SEPTIN7: variants seen among roughly 807,000 people sequenced by gnomAD.
The protein encoded by SEPTIN7 is septin-7.
In SEPTIN7, 10 loss-of-function variants were observed where a neutral mutation model predicts 63.3. The observed-to-expected ratio is 0.16, with a 90% CI of 0.10 to 0.27. The LOEUF (loss-of-function observed/expected upper bound fraction) is 0.27. SEPTIN7 is among the 10% of genes least tolerant of loss of function. SEPTIN7 has a pLI of 1.00. For missense variants in SEPTIN7, 310 were observed against 521.0 expected (o/e 0.59, Z 3.94); for synonymous variants, 131 against 165.3 (o/e 0.79, Z 1.59).
rs1289333452 is a variant in SEPTIN7 at position 35,883,895 on chromosome 7, G to A, written c.728G>A (p.Arg243His). The change falls in exon 9 of 14, where the codon CGT (arginine) becomes CAT (histidine). Residue 243 changes from arginine (R) to histidine (H), a missense_variant. By Grantham distance (29) the Arg-to-His change is conservative. Transcript: ENST00000350320. ...ENKLVKKIKD[R>H]LPLAVVGSNT... ...CAAGAATACTTTGTTTTATAGGACC[G>A]TTTACCTCTTGCTGTGGTAGGTAGT... is the stretch of plus-strand genomic sequence containing the variant. 9 of 1,589,542 alleles carry A rather than the reference G, an allele frequency of 5.7e-6. No individual in the cohort carries two copies. Among genetic ancestry groups the A allele is most frequent in the African/African-American group, 1.3e-5 (1 of 74,310 alleles).
chr7:35,884,093 G>C, intron 9 of SEPTIN7, 106 bp downstream of exon 9: 3 of 594,308 alleles, frequency 5.0e-6, no homozygotes, highest in Non-Finnish European at 9.0e-6. Context: ...ATATAGTCTA[G>C]ATTTTCAAGG....
At chr7:35,880,003 T>C in intron 7 of SEPTIN7, 63 bp downstream of exon 7, 2 of 885,182 alleles carry the variant, frequency 2.3e-6, no homozygotes, top group Admixed American at 2.0e-5. Context: ...TTTTTACTAT[T>C]TTTAGTATAA....
the SEPTIN7 span, among the ~76,000 whole-genome samples, chr7:35,914,545 G>A: frequency 4.6e-5 from 7 of 152,122 alleles, no homozygotes; most frequent in East Asian, 1.4e-3. Context: ...GATGGCTGGA[G>A]TTACCCTGCC....
At chr7:35,836,650 A>C (rs1191493381) in intron 3 of SEPTIN7, among the ~76,000 whole-genome samples, 1 of 152,090 alleles carries the variant, frequency 6.6e-6, no homozygotes, top group Non-Finnish European at 1.5e-5. Context: ...TTATCAGAGA[A>C]AGTTTAGGAG....
At chr7:35,829,204 C>T (rs1376286857) in intron 1 of SEPTIN7, among the ~76,000 whole-genome samples, 2 of 140,106 alleles carry the variant, frequency 1.4e-5, no homozygotes, top group Non-Finnish European at 3.0e-5. Flanking sequence ...GGCACGATCT[C>T]GGCTCACTGC....
At chr7:35,810,298 A>G (rs1196691287) in intron 1 of SEPTIN7, among the ~76,000 whole-genome samples, 2 of 150,728 alleles carry the variant, frequency 1.3e-5, no homozygotes, top group Non-Finnish European at 2.9e-5. Context: ...TGAGGTCTCC[A>G]GTTTCTGGGG....
chr7:35,829,095 C>CACT (rs1011373892), intron 1 of SEPTIN7, among the ~76,000 whole-genome samples: 22 of 148,810 alleles, frequency 1.5e-4, no homozygotes, highest in Non-Finnish European at 2.5e-4. Flanking sequence ...TCCCCTTGTC[C>CACT]ACTACTTCAC....
Position 35,814,974 on chromosome 7 carries a change from C to CAA in SEPTIN7, c.61+13729_61+13730dup, listed in dbSNP as rs56795764. 3.1e-3 allele frequency among the ~76,000 whole-genome samples: 68 copies of CAA among 21,956 alleles called. 3 individuals are homozygous for CAA. The highest frequency in any genetic ancestry group is 5.9e-3 in the African/African-American group (40 of 6,764). The allele number at this position is 21,956 out of a possible 152,430, so 14.4% of individuals were successfully genotyped here. A position where few individuals can be genotyped will look rare whatever the true frequency, so the allele number is the denominator to read the frequency against. On this transcript the variant is annotated intron_variant, in intron 1 of 13. Transcript: ENST00000350320. ...TAGGCGACAGAGCGAGACTCCTTCTCAAAAAAAAAAAAAAAAAAAAAAAAA... is the reference window on the plus strand; with the variant it reads ...TAGGCGACAGAGCGAGACTCCTTCTCAAAAAAAAAAAAAAAAAAAAAAAAAAA...
At chr7:35,869,813 G>A (rs1030460347) in intron 4 of SEPTIN7, among the ~76,000 whole-genome samples, 6 of 152,078 alleles carry the variant, frequency 3.9e-5, no homozygotes, top group African/African-American at 1.2e-4. Flanking sequence ...ATACATGGAC[G>A]ATAGCTTTAG....
At chr7:35,836,581 G>T (rs1784092988) in intron 3 of SEPTIN7, among the ~76,000 whole-genome samples, 1 of 151,938 alleles carries the variant, frequency 6.6e-6, no homozygotes, top group South Asian at 2.1e-4. Flanking sequence ...CTTAGAATAT[G>T]TTGGTTTGGC....
chr7:35,832,608 A>T, intron 2 of SEPTIN7, 190 bp from the exon 3 acceptor site: 1 of 506,984 alleles, frequency 2.0e-6, no homozygotes, highest in South Asian at 2.0e-5. Flanking sequence ...TTATATTGTC[A>T]GTCAACTCAT....
chr7:35,851,028 G>A (rs1234212782), intron 3 of SEPTIN7, among the ~76,000 whole-genome samples: 1 of 152,110 alleles, frequency 6.6e-6, no homozygotes, highest in Admixed American at 6.5e-5. Context: ...GAAACCTGAC[G>A]TTAGCTATTA....
At chr7:35,849,985 AT>A (rs1784883089) in intron 3 of SEPTIN7, among the ~76,000 whole-genome samples, 1 of 152,100 alleles carries the variant, frequency 6.6e-6, no homozygotes, top group Admixed American at 6.5e-5. Flanking sequence ...TGTCATCCTT[AT>A]TTACTAGAAT....
At chr7:35,889,500 A>G (rs1787503766) in intron 10 of SEPTIN7, among the ~76,000 whole-genome samples, 1 of 152,234 alleles carries the variant, frequency 6.6e-6, no homozygotes, top group South Asian at 2.1e-4. Flanking sequence ...AAGTAACAGT[A>G]AAGGTTCTCT....
intron 3 of SEPTIN7, among the ~76,000 whole-genome samples, chr7:35,833,980 A>T (rs1783956848): frequency 6.6e-6 from 1 of 152,014 alleles, no homozygotes; most frequent in African/African-American, 2.4e-5. Flanking sequence ...TTGATACTTT[A>T]TAGCATTGGT....
chr7:35,841,774 T>C (rs999397883), intron 3 of SEPTIN7, among the ~76,000 whole-genome samples: 1 of 152,220 alleles, frequency 6.6e-6, no homozygotes, highest in African/African-American at 2.4e-5. Flanking sequence ...TCTTTACAGA[T>C]AGAAATGTAA....
At chr7:35,825,364 C>G (rs143775179) in intron 1 of SEPTIN7, among the ~76,000 whole-genome samples, 49 of 152,196 alleles carry the variant, frequency 3.2e-4, no homozygotes, top group African/African-American at 9.6e-4. Flanking sequence ...GTTTGTAGTT[C>G]CTATAAGGAA....
At chr7:35,909,577 A>T (rs1022707850), downstream of SEPTIN7, among the ~76,000 whole-genome samples, 3 of 152,210 alleles carry the variant, frequency 2.0e-5, no homozygotes, top group Non-Finnish European at 4.4e-5. Context: ...ATCAAGGGAG[A>T]GAGAACTCAC....
In SEPTIN7 at chr7:35,801,109, G is replaced by C; in HGVS notation, c.-101G>C. On this transcript the variant is annotated 5_prime_UTR_variant, in exon 1 of 14. Transcript: ENST00000350320. ...CGCCTGCTGTAGCGTGCGTAAGCAA[G>C]GCAGCTACGCCGGGCGGCTACGCTG... 2.1e-6 allele frequency: 2 copies of C among 946,420 alleles called. No homozygotes were observed. Among genetic ancestry groups the C allele is most frequent in the South Asian group, 3.8e-5 (2 of 52,672 alleles). The allele number at this position is 946,420 out of a possible 1,614,324, so 58.6% of individuals were successfully genotyped here.
Sources: allele counts gnomAD v4.1 joint callset (sites outside exome capture counted in the v4.1 genomes callset), GRCh38; gene constraint gnomAD v4.1.1; transcripts MANE v1.5; gene names NCBI Gene and HGNC (gene_info 2026-07-23, HGNC 2026-07-21).